The following SLK variants were observed in gnomAD, a reference collection of about 807,000 sequenced individuals.
SLK encodes the protein STE20 like kinase, also known as STE20-like serine/threonine-protein kinase.
In SLK, 67 loss-of-function variants were observed where a neutral mutation model predicts 147.7. That is an observed-to-expected ratio of 0.45 (90% CI 0.37 to 0.56). The LOEUF (loss-of-function observed/expected upper bound fraction) is 0.56, where lower values mean the gene tolerates loss of function less well. Among genes scored for constraint, SLK ranks in the 20% least tolerant of loss-of-function variants. The probability of loss-of-function intolerance (pLI) is 0.00; values close to 1 mark genes in which losing one functional copy is unlikely to be tolerated. For synonymous variants in SLK, 441 were observed against 475.0 expected (o/e 0.93, Z 0.93); for missense variants, 1,136 against 1,438.8 (o/e 0.79, Z 3.41).
chr10:104,006,738 A>G (rs569535238), intron 11 of SLK, among the ~76,000 whole-genome samples: 1 of 152,332 alleles, frequency 6.6e-6, no homozygotes, highest in South Asian at 2.1e-4. Flanking sequence ...TGTAATTTTA[A>G]TTGATAAAGA....
At chr10:103,998,601 G>T (rs1191706223) in intron 4 of SLK, among the ~76,000 whole-genome samples, 1 of 152,126 alleles carries the variant, frequency 6.6e-6, no homozygotes, top group East Asian at 1.9e-4. Context: ...TTTTGAAGTG[G>T]ATAGACTGGT....
At chr10:103,994,242 T>C (rs1428593467) in intron 4 of SLK, among the ~76,000 whole-genome samples, 1 of 152,214 alleles carries the variant, frequency 6.6e-6, no homozygotes, top group Non-Finnish European at 1.5e-5. Flanking sequence ...GTTTAGTACT[T>C]TGTAGACATA....
chr10:103,987,396 G>A (rs1156290719), intron 1 of SLK, among the ~76,000 whole-genome samples: 1 of 152,106 alleles, frequency 6.6e-6, no homozygotes, highest in South Asian at 2.1e-4. Flanking sequence ...ATTTTTCATT[G>A]TAGAACTGTA....
At chr10:104,021,819 C>T in intron 18 of SLK, 86 bp downstream of exon 18, 1 of 722,798 alleles carries the variant, frequency 1.4e-6, no homozygotes, top group Non-Finnish European at 2.3e-6. Flanking sequence ...GTGTCAGGTA[C>T]AGTGTCAGGG....
rs761802689 is a variant in SLK, at chr10:104,001,542, A to C, written c.963A>C (p.Glu321Asp). The change falls in exon 8 of 19, where the codon GAA (glutamate) becomes GAC (aspartate). Residue 321 changes from glutamate (E) to aspartate (D), a missense_variant. By Grantham distance (45) the Glu-to-Asp change is conservative. This residue lies in a region of SLK where 141 missense variants were observed against 219.3 expected (regional missense o/e 0.64). Coordinates refer to ENST00000369755, the MANE Select transcript of SLK (RefSeq NM_014720.4). The stretch of plus-strand genomic sequence containing the variant: ...AAGAAGTTGAAGATGGCAAAGAGGA[A>C]GATGAAGAGGAGGAAACAGAAAATT... Reference protein sequence around the residue: ...VTEEVEDGKEEDEEEETENSL... With the variant: ...VTEEVEDGKEDDEEEETENSL... The C allele has an allele frequency of 6.2e-7, 1 of 1,613,578 alleles. No homozygotes were observed. Among genetic ancestry groups the C allele is most frequent in the Non-Finnish European group, 8.5e-7 (1 of 1,179,630 alleles).
At chr10:103,985,745 A>C (rs1163532078) in intron 1 of SLK, among the ~76,000 whole-genome samples, 1 of 152,208 alleles carries the variant, frequency 6.6e-6, no homozygotes, top group Non-Finnish European at 1.5e-5. Flanking sequence ...ATACTATATA[A>C]TGTTAGAAAA....
Position 103,999,327 on chromosome 10 carries a change from TAA to T in SLK, c.782+19_782+20del. The T allele has an allele frequency of 6.4e-7, 1 of 1,561,590 alleles. No homozygotes were observed. On this transcript the variant is annotated intron_variant, in intron 6 of 18. Coordinates refer to ENST00000369755, the MANE Select transcript of SLK (RefSeq NM_014720.4). ...GCCATCCAGATGGTAAAAATATTCT[TAA>T]AAAAGCTTAATAAGAAACAAATGAT...
intron 1 of SLK, among the ~76,000 whole-genome samples, chr10:103,971,344 G>A (rs1294965424): frequency 6.6e-6 from 1 of 151,960 alleles, no homozygotes; most frequent in African/African-American, 2.4e-5. Context: ...GCGCAATCTC[G>A]GCTCACTGCA....
chr10:104,009,111 C>T (rs927053994), intron 12 of SLK, among the ~76,000 whole-genome samples: 1 of 151,812 alleles, frequency 6.6e-6, no homozygotes, highest in African/African-American at 2.4e-5. Flanking sequence ...CTTTTTTTGT[C>T]CCAAATTAAA....
chr10:104,025,899 A>C lies in SLK; in HGVS notation c.*179A>C. ...TTAAGCAAAGATGAAGGGAAAACGA[A>C]CTAAGACAGACGCTAGGCCATGTTG... On this transcript the variant is annotated 3_prime_UTR_variant, in exon 19 of 19. Coordinates refer to ENST00000369755, the MANE Select transcript of SLK (RefSeq NM_014720.4). The C allele has an allele frequency of 1.9e-6, 1 of 523,720 alleles. No individual in the cohort carries two copies. The highest frequency in any genetic ancestry group is 3.0e-5 in the East Asian group (1 of 32,788). The allele number at this position is 523,720 out of a possible 1,614,324, so 32.4% of individuals were successfully genotyped here. A position where few individuals can be genotyped will look rare whatever the true frequency, so the allele number is the denominator to read the frequency against.
intron 1 of SLK, among the ~76,000 whole-genome samples, chr10:103,987,597 A>G (rs1355886767): frequency 6.6e-6 from 1 of 152,226 alleles, no homozygotes. Flanking sequence ...ACTTTAAAAA[A>G]TTTAGTATCT....
In SLK at chr10:104,028,985, T is replaced by C. The variant is rs1385163855; in HGVS notation, c.*3265T>C. The C allele has an allele frequency of 6.6e-6, 1 of 152,234 alleles. No homozygotes were observed. The highest frequency in any genetic ancestry group is 1.5e-5 in the Non-Finnish European group (1 of 68,040). 9.4% of individuals were successfully genotyped at this position (152,234 alleles called of 1,614,324 possible). On this transcript the variant is annotated 3_prime_UTR_variant, in exon 19 of 19. Transcript: ENST00000369755. ...ACAGTTAATGGCTGTATTGTTGCTA[T>C]TCCGTTGCTGACATGTTTTTGATAA...
At position 103,994,557 on chromosome 10, in the gene SLK, A is replaced by G. The variant is rs575735536; in HGVS notation, c.514+1424A>G. 3.3e-5 allele frequency among the ~76,000 whole-genome samples: 5 copies of G among 152,214 alleles called. No individual in the cohort carries two copies. In the South Asian group the frequency reaches 1.0e-3, roughly 32 times the overall value. Reference sequence around the variant, plus strand: ...GGGGGATGAGGGCAATATCACCCACATGGGTGCAAAAATTAGTTCTTTAGG... The same window carrying G: ...GGGGGATGAGGGCAATATCACCCACGTGGGTGCAAAAATTAGTTCTTTAGG... On this transcript the variant is annotated intron_variant, in intron 4 of 18. Transcript: ENST00000369755.
intron 1 of SLK, among the ~76,000 whole-genome samples, chr10:103,970,152 A>T (rs1843773819): frequency 6.6e-6 from 1 of 152,232 alleles, no homozygotes; most frequent in Non-Finnish European, 1.5e-5. Flanking sequence ...GGCACATGGA[A>T]AGGGCTCAGT....
intron 1 of SLK, among the ~76,000 whole-genome samples, chr10:103,980,356 C>T (rs559411114): frequency 6.6e-6 from 1 of 152,240 alleles, no homozygotes; most frequent in South Asian, 2.1e-4. Flanking sequence ...TGAAGATTCA[C>T]CATCGTCATG....
intron 13 of SLK, among the ~76,000 whole-genome samples, chr10:104,011,185 A>C (rs1386394713): frequency 6.6e-6 from 1 of 152,238 alleles, no homozygotes; most frequent in Non-Finnish European, 1.5e-5. Flanking sequence ...TCTGATTTTA[A>C]TCTTGATGGG....
At chr10:104,019,135 C>T (rs766778396) in intron 15 of SLK, 18 of 375,666 alleles carry the variant, frequency 4.8e-5, no homozygotes, top group Non-Finnish European at 6.8e-5. Context: ...TGCTTAAAGA[C>T]GTTTTACACC....
intron 11 of SLK, among the ~76,000 whole-genome samples, chr10:104,006,470 T>G (rs1315518894): frequency 6.6e-6 from 1 of 152,184 alleles, no homozygotes; most frequent in Non-Finnish European, 1.5e-5. Flanking sequence ...TTTAAAAATG[T>G]GCTTTATTCT....
At chr10:104,001,666 A>C in intron 8 of SLK, 94 bp downstream of exon 8, 1 of 1,345,004 alleles carries the variant, frequency 7.4e-7, no homozygotes, top group South Asian at 1.3e-5. Flanking sequence ...GTGGCAACGC[A>C]AAACCTTTAA....
Sources: gnomAD v4.1 joint callset for allele counts (sites outside exome capture counted in the v4.1 genomes callset) on GRCh38, gnomAD v4.1.1 for gene constraint, gnomAD v4.1.1 regional missense constraint, MANE v1.5 for transcripts, NCBI Gene and HGNC (gene_info 2026-07-23, HGNC 2026-07-21) for gene names.